Variants in RBFOX3 observed in about 807,000 individuals in gnomAD.
The protein encoded by RBFOX3 is RNA binding protein fox-1 homolog 3.
RBFOX3 carries 17 observed loss-of-function variants against 48.7 expected under a neutral mutation model. That is an observed-to-expected ratio of 0.35 (90% CI 0.24 to 0.52). The LOEUF is 0.52. Ranked by LOEUF, RBFOX3 falls within the 20% of genes least tolerant of loss-of-function variation. RBFOX3 has a pLI of 0.94. For synonymous variants in RBFOX3, 212 were observed against 209.5 expected, an observed-to-expected ratio of 1.01 and a Z score of -0.10; for missense variants, 382 against 497.5, an observed-to-expected ratio of 0.77 and a Z score of 2.21.
At chr17:79,323,044 G>A (rs995337030) in intron 2 of RBFOX3, among the ~76,000 whole-genome samples, 1 of 152,240 alleles carries the variant, frequency 6.6e-6, no homozygotes, top group Admixed American at 6.5e-5. Flanking sequence ...TGGGAACCAA[G>A]CAGGCCTGGT....
intron 1 of RBFOX3, among the ~76,000 whole-genome samples, chr17:79,524,716 T>C (rs1291381738): frequency 1.3e-5 from 2 of 152,188 alleles, no homozygotes; most frequent in African/African-American, 2.4e-5. Flanking sequence ...ACACGGGCAC[T>C]GCATCTTCCA....
At chr17:79,208,382 C>T (rs1361661405) in intron 4 of RBFOX3, 8 of 152,336 alleles carry the variant, frequency 5.3e-5, no homozygotes, top group Admixed American at 1.3e-4. Context: ...CCAAGCAGTC[C>T]GGGGAAGGGG....
intron 2 of RBFOX3, among the ~76,000 whole-genome samples, chr17:79,458,004 A>C (rs1266702374): frequency 6.6e-6 from 1 of 152,226 alleles, no homozygotes; most frequent in Non-Finnish European, 1.5e-5. Context: ...AGGGCAGCAG[A>C]AATCCCCAAG....
chr17:79,394,159 CT>C (rs1181337324), intron 2 of RBFOX3, among the ~76,000 whole-genome samples: 1 of 152,248 alleles, frequency 6.6e-6, no homozygotes, highest in Non-Finnish European at 1.5e-5. Context: ...CGCACATCAT[CT>C]GAATCGGTCA....
chr17:79,397,125 C>T (rs11654178), intron 2 of RBFOX3, among the ~76,000 whole-genome samples: 4,487 of 152,292 alleles, frequency 0.029, 90 homozygotes, highest in Non-Finnish European at 0.042. Flanking sequence ...CCCACAGCCC[C>T]GCGGACAGGC....
chr17:79,354,811 T>A (rs1000244792), intron 2 of RBFOX3, among the ~76,000 whole-genome samples: 1 of 152,266 alleles, frequency 6.6e-6, no homozygotes, highest in Non-Finnish European at 1.5e-5. Context: ...TTAATCATTA[T>A]TATAACTATT....
rs77847780 is a variant in RBFOX3 at position 79,479,201 on chromosome 17, A to G, written c.-175+3253T>C. Among the ~76,000 whole-genome samples, 4,614 of 152,204 alleles carry G rather than the reference A, an allele frequency of 0.03. 245 individuals carry two copies. The highest frequency in any genetic ancestry group is 0.1 in the East Asian group (521 of 5,162). On this transcript the variant is annotated intron_variant, in intron 2 of 14. Coordinates refer to ENST00000693108, the MANE Select transcript of RBFOX3 (RefSeq NM_001350451.2). This position sits in a 1 kb window ranked among gnomAD's most constrained non-coding sequence, Gnocchi z 5.1. ...CCTTTGGGCCATGGACGGCATCCAC[A>G]TGCCAGAGCTCTGGTAGCCCAAGGG...
At chr17:79,398,924 C>T (rs1049540732) in intron 2 of RBFOX3, among the ~76,000 whole-genome samples, 6 of 152,124 alleles carry the variant, frequency 3.9e-5, no homozygotes, top group Admixed American at 2.6e-4. Context: ...GAGCCTTCGC[C>T]GATGTAATCA....
At chr17:79,151,945 C>T (rs1298692187) in intron 4 of RBFOX3, among the ~76,000 whole-genome samples, 2 of 64,396 alleles carry the variant, frequency 3.1e-5, no homozygotes, top group African/African-American at 9.2e-5. Flanking sequence ...CAGAGGGAGG[C>T]GCGGATGGGA....
chr17:79,550,671 G>A (rs920292412), intron 1 of RBFOX3, among the ~76,000 whole-genome samples: 13 of 152,226 alleles, frequency 8.5e-5, no homozygotes, highest in African/African-American at 2.9e-4. Context: ...ATTAAAAGAC[G>A]GATGGATAGG....
At chr17:79,654,215 T>C in the RBFOX3 span, among the ~76,000 whole-genome samples, 1 of 152,170 alleles carries the variant, frequency 6.6e-6, no homozygotes, top group Non-Finnish European at 1.5e-5. Flanking sequence ...GAGGCTGTGT[T>C]TACCCCAAGA....
At chr17:79,433,564 G>C (rs1555729507) in intron 2 of RBFOX3, among the ~76,000 whole-genome samples, 1 of 152,182 alleles carries the variant, frequency 6.6e-6, no homozygotes, top group African/African-American at 2.4e-5. Context: ...GACCTCTGTC[G>C]TGGCTGGGAG....
rs1038953060 is a variant in RBFOX3, at chr17:79,391,706, G to A, written c.-174-83882C>T. On this transcript the variant is annotated intron_variant, in intron 2 of 14. Transcript: ENST00000693108. The surrounding 1 kb of genome is among the most constrained non-coding windows in gnomAD (Gnocchi z 5.0). Reference sequence around the variant, plus strand: ...CATCCACATATATGTGCGTGTGAGCGTGTGTGGGCACAGGAAAGTCTGTGT... The same window carrying A: ...CATCCACATATATGTGCGTGTGAGCATGTGTGGGCACAGGAAAGTCTGTGT... Among the ~76,000 whole-genome samples the A allele has an allele frequency of 5.9e-5, 9 of 152,208 alleles. No individual in the cohort carries two copies. The highest frequency in any genetic ancestry group is 1.2e-4 in the Non-Finnish European group (8 of 68,034).
At chr17:79,422,854 G>A (rs2066675788) in intron 2 of RBFOX3, among the ~76,000 whole-genome samples, 1 of 152,164 alleles carries the variant, frequency 6.6e-6, no homozygotes. Context: ...CATCGGATGG[G>A]ATTGATGCCC....
intron 1 of RBFOX3, among the ~76,000 whole-genome samples, chr17:79,551,795 G>A (rs1347029700): frequency 1.3e-5 from 2 of 152,110 alleles, no homozygotes; most frequent in African/African-American, 2.4e-5. Context: ...TTCACCTTCC[G>A]CTGTGATTGT....
chr17:79,306,953 A>G (rs1413123991), intron 3 of RBFOX3, among the ~76,000 whole-genome samples: 1 of 152,230 alleles, frequency 6.6e-6, no homozygotes. Flanking sequence ...GTCTGGCCCC[A>G]GGCCCTCTGA....
At chr17:79,523,421 G>A (rs933111319) in intron 1 of RBFOX3, among the ~76,000 whole-genome samples, 259 of 152,294 alleles carry the variant, frequency 1.7e-3, no homozygotes, top group Non-Finnish European at 2.8e-3. Flanking sequence ...TTCAGAGGGC[G>A]GGAAACGGGC....
chr17:79,592,487 C>T lies in RBFOX3; in HGVS notation c.-320+18339G>A, dbSNP rs940537280. Among the ~76,000 whole-genome samples, 769 of 152,008 alleles carry T rather than the reference C, an allele frequency of 5.1e-3. 4 individuals carry two copies. Among genetic ancestry groups the T allele is most frequent in the African/African-American group, 0.018 (735 of 41,432 alleles). On this transcript the variant is annotated intron_variant, in intron 1 of 14. Transcript: ENST00000693108. ...TGTGTAGTGTGTGCATGTGTACGTG[C>T]GTTTATGCAGTGTTATTGAACAGGT...
chr17:79,452,921 T>C (rs2073803975), intron 2 of RBFOX3, among the ~76,000 whole-genome samples: 1 of 152,186 alleles, frequency 6.6e-6, no homozygotes, highest in African/African-American at 2.4e-5. Flanking sequence ...GCCATCCCGC[T>C]CACGGCCCCC....
Sources: allele counts gnomAD v4.1 joint callset (sites outside exome capture counted in the v4.1 genomes callset), GRCh38; gene constraint gnomAD v4.1.1; non-coding constraint Gnocchi (gnomAD v3.1); transcripts MANE v1.5; gene names NCBI Gene and HGNC (gene_info 2026-07-23, HGNC 2026-07-21).